SPMAP2L: variants seen among roughly 807,000 people sequenced by gnomAD.
SPMAP2L encodes the protein sperm microtubule associated protein 2 like, also known as sperm microtubule associated protein 2-like.
chr4:56,581,266 C>T, the SPMAP2L span, among the ~76,000 whole-genome samples: 1,037 of 152,030 alleles, frequency 6.8e-3, 14 homozygotes, highest in African/African-American at 0.024. Flanking sequence ...ACTAGCCTGG[C>T]CAACATGGTA....
chr4:56,596,090 G>C, the SPMAP2L span, among the ~76,000 whole-genome samples: 2 of 152,214 alleles, frequency 1.3e-5, no homozygotes. Context: ...CATGTGGACT[G>C]TGCCATCTGT....
chr4:56,568,379 G>T, the SPMAP2L span, among the ~76,000 whole-genome samples: 2 of 151,932 alleles, frequency 1.3e-5, no homozygotes, highest in Admixed American at 1.3e-4. Flanking sequence ...TACCTTACTG[G>T]CTCCTGGATG....
At chr4:56,558,374 A>C in the SPMAP2L span, among the ~76,000 whole-genome samples, 2 of 152,096 alleles carry the variant, frequency 1.3e-5, no homozygotes, top group Admixed American at 6.5e-5. Flanking sequence ...CATTATCCTC[A>C]GTGACTTTTG....
chr4:56,617,409 T>C, the SPMAP2L span, among the ~76,000 whole-genome samples: 1 of 152,178 alleles, frequency 6.6e-6, no homozygotes. Flanking sequence ...ACCTACCTAT[T>C]GTTGTGGGGT....
At chr4:56,553,609 T>A in the SPMAP2L span, among the ~76,000 whole-genome samples, 118 of 151,524 alleles carry the variant, frequency 7.8e-4, no homozygotes, top group African/African-American at 2.6e-3. Context: ...CTCCCCTTAG[T>A]TTTTCCTACT....
At chr4:56,584,567 T>C in the SPMAP2L span, 6 of 1,535,436 alleles carry the variant, frequency 3.9e-6, no homozygotes, top group Non-Finnish European at 5.2e-6. Flanking sequence ...ATTACAACTC[T>C]CAGTAGCCAA....
At chr4:56,566,178 T>C in the SPMAP2L span, among the ~76,000 whole-genome samples, 1 of 152,142 alleles carries the variant, frequency 6.6e-6, no homozygotes, top group South Asian at 2.1e-4. Flanking sequence ...CCCCTCTTTG[T>C]TGCCTTCTTA....
chr4:56,577,842 G>T, the SPMAP2L span, among the ~76,000 whole-genome samples: 1,043 of 152,184 alleles, frequency 6.9e-3, 16 homozygotes, highest in African/African-American at 0.024. Flanking sequence ...AAATTTATTG[G>T]GGTGTTGTGG....
chr4:56,592,740 T>C, the SPMAP2L span, among the ~76,000 whole-genome samples: 1 of 151,974 alleles, frequency 6.6e-6, no homozygotes, highest in Non-Finnish European at 1.5e-5. Context: ...GGATCGGGGC[T>C]GTGCTGGGCG....
chr4:56,616,381 G>A, the SPMAP2L span, among the ~76,000 whole-genome samples: 2 of 152,140 alleles, frequency 1.3e-5, no homozygotes, highest in Non-Finnish European at 2.9e-5. Context: ...ATGCAGTCAC[G>A]TTCTGAGGTA....
the SPMAP2L span, among the ~76,000 whole-genome samples, chr4:56,558,424 G>A: frequency 1.4e-4 from 21 of 151,892 alleles, no homozygotes; most frequent in Non-Finnish European, 5.9e-5. Flanking sequence ...GCCAAAATTT[G>A]TTTTATTTTA....
At chr4:56,554,322 T>C in the SPMAP2L span, among the ~76,000 whole-genome samples, 4 of 152,250 alleles carry the variant, frequency 2.6e-5, no homozygotes, top group African/African-American at 9.6e-5. Flanking sequence ...AGAGTTCCTG[T>C]TGCTCTCCAT....
the SPMAP2L span, among the ~76,000 whole-genome samples, chr4:56,581,160 A>T: frequency 4.1e-5 from 6 of 147,594 alleles, no homozygotes; most frequent in Admixed American, 2.7e-4. Flanking sequence ...TACTAAAAAT[A>T]AAAAAAAAAT....
the SPMAP2L span, among the ~76,000 whole-genome samples, chr4:56,613,642 C>T: frequency 6.6e-6 from 1 of 152,200 alleles, no homozygotes; most frequent in Non-Finnish European, 1.5e-5. Flanking sequence ...AAACACCATG[C>T]TCCTGGCTTC....
chr4:56,576,789 T>A, the SPMAP2L span, among the ~76,000 whole-genome samples: 2 of 152,358 alleles, frequency 1.3e-5, no homozygotes, highest in East Asian at 3.9e-4. Flanking sequence ...TTTGGTAATG[T>A]GTCTATAGTT....
the SPMAP2L span, among the ~76,000 whole-genome samples, chr4:56,623,721 C>T: frequency 6.6e-6 from 1 of 152,150 alleles, no homozygotes; most frequent in East Asian, 1.9e-4. Flanking sequence ...CCTTCCTCCT[C>T]ATTTTTTCTC....
At chr4:56,576,126 T>C in the SPMAP2L span, among the ~76,000 whole-genome samples, 1 of 151,990 alleles carries the variant, frequency 6.6e-6, no homozygotes, top group Non-Finnish European at 1.5e-5. Context: ...TGTACAGTTG[T>C]GGAGAGGTGA....
At chr4:56,606,976 G>A in the SPMAP2L span, among the ~76,000 whole-genome samples, 6 of 152,202 alleles carry the variant, frequency 3.9e-5, no homozygotes, top group South Asian at 1.2e-3. Context: ...AGGCTCAAGA[G>A]CGATTTGAGA....
chr4:56,559,501 T>C, the SPMAP2L span: 7 of 1,528,008 alleles, frequency 4.6e-6, no homozygotes, highest in Admixed American at 6.2e-5. Context: ...GGAAGTTTCC[T>C]GCCACTATGT....
Sources: allele counts gnomAD v4.1 joint callset (sites outside exome capture counted in the v4.1 genomes callset), GRCh38; gene constraint gnomAD v4.1.1; transcripts MANE v1.5; gene names NCBI Gene and HGNC (gene_info 2026-07-23, HGNC 2026-07-21).